Variants in EPC1 observed in about 807,000 individuals in gnomAD.
EPC1 encodes the protein enhancer of polycomb homolog 1.
A neutral mutation model predicts 98.4 loss-of-function variants in EPC1; 12 were observed. That is an observed-to-expected ratio of 0.12 (90% confidence interval 0.08 to 0.20). The LOEUF is 0.20. Ranked by LOEUF, EPC1 falls within the 10% of genes least tolerant of loss-of-function variation. The pLI, the probability that EPC1 is intolerant of heterozygous loss-of-function variation, is 1.00. For missense variants in EPC1, 729 were observed against 990.5 expected, an observed-to-expected ratio of 0.74 and a Z score of 3.54; for synonymous variants, 357 against 363.9, an observed-to-expected ratio of 0.98 and a Z score of 0.21.
At chr10:32,368,836 A>G (rs549785441) in intron 1 of EPC1, among the ~76,000 whole-genome samples, 1 of 152,304 alleles carries the variant, frequency 6.6e-6, no homozygotes, top group Non-Finnish European at 1.5e-5. Context: ...TACTTATGGC[A>G]AGTCTAGCGC....
At chr10:32,277,861 C>T (rs1485409915) in intron 10 of EPC1, among the ~76,000 whole-genome samples, 4 of 151,972 alleles carry the variant, frequency 2.6e-5, no homozygotes, top group Non-Finnish European at 5.9e-5. Context: ...TGAGCCACTG[C>T]GCCCGGCCTA....
intron 1 of EPC1, among the ~76,000 whole-genome samples, chr10:32,318,692 C>T (rs1051079747): frequency 3.9e-5 from 6 of 152,160 alleles, no homozygotes; most frequent in African/African-American, 1.2e-4. Flanking sequence ...TCAATGTTTC[C>T]AGCTCCCTTT....
chr10:32,303,860 A>G (rs1023910598), intron 2 of EPC1, among the ~76,000 whole-genome samples: 8 of 152,266 alleles, frequency 5.3e-5, no homozygotes, highest in Non-Finnish European at 2.9e-5. Flanking sequence ...TTGATACTGT[A>G]CAATAGTTGT....
chr10:32,312,225 T>C (rs910353527), intron 1 of EPC1, among the ~76,000 whole-genome samples: 4 of 152,292 alleles, frequency 2.6e-5, no homozygotes, highest in South Asian at 2.1e-4. Context: ...ATCTGTCCTT[T>C]TTCTACGAGC....
chr10:32,278,371 GTT>G (rs58729377), intron 10 of EPC1, among the ~76,000 whole-genome samples: 2,756 of 102,544 alleles, frequency 0.027, 102 homozygotes, highest in African/African-American at 0.094. Context: ...GTTTTTTTTT[GTT>G]TTTTTTTTTT....
At chr10:32,280,432 C>CA (rs1218663990) in intron 10 of EPC1, among the ~76,000 whole-genome samples, 1 of 151,770 alleles carries the variant, frequency 6.6e-6, no homozygotes, top group Non-Finnish European at 1.5e-5. Flanking sequence ...GCCTGGGAGA[C>CA]AGAGTGAAAC....
At chr10:32,315,183 A>G (rs1306227634) in intron 1 of EPC1, among the ~76,000 whole-genome samples, 1 of 152,138 alleles carries the variant, frequency 6.6e-6, no homozygotes, top group Non-Finnish European at 1.5e-5. Context: ...TTTGTAATGG[A>G]CTCATTGCCT....
rs77523350 is a variant in EPC1 at position 32,268,968 on chromosome 10, C to T, written c.*95G>A. On this transcript the variant is annotated 3_prime_UTR_variant, in exon 14 of 14. Coordinates refer to ENST00000319778, the MANE Select transcript of EPC1 (RefSeq NM_001272004.3). ...CAAGTCCCCACAGCTGCCACAGAAA[C>T]GCATGTGCTGCTTTCCATCATCCCT... 3.5e-4 allele frequency: 365 copies of T among 1,034,916 alleles called. No individual in the cohort carries two copies. Among genetic ancestry groups the T allele is most frequent in the Non-Finnish European group, 4.8e-4 (323 of 674,932 alleles). The allele number at this position is 1,034,916 out of a possible 1,614,324, so 64.1% of individuals were successfully genotyped here.
rs553619732 is a variant in EPC1, at chr10:32,353,869, ATAAGC to A, written c.3+24617_3+24621del. The stretch of plus-strand genomic sequence containing the variant: ...TAACTTCCTGCTTTTTACTTTCATA[ATAAGC>A]TACATAAAGAAATGACTGCAAACAA... On this transcript the variant is annotated intron_variant, in intron 1 of 13. Transcript: ENST00000375110. 1.1e-3 allele frequency among the ~76,000 whole-genome samples: 171 copies of A among 152,348 alleles called. 2 individuals carry two copies. Among genetic ancestry groups the A allele is most frequent in the African/African-American group, 3.9e-3 (161 of 41,576 alleles).
In EPC1 at chr10:32,271,598, T is replaced by G; in HGVS notation, c.2325A>C (p.Gln775His). 1.2e-6 allele frequency: 2 copies of G among 1,614,170 alleles called. No individual in the cohort carries two copies. The highest frequency in any genetic ancestry group is 1.7e-6 in the Non-Finnish European group (2 of 1,180,024). Residue 775 changes from glutamine to histidine, a missense_variant, in exon 13 of 14, where the codon CAA becomes CAC. This residue lies in a region of EPC1 where 156 missense variants were observed against 188.9 expected (regional missense o/e 0.83). Coordinates refer to ENST00000319778, the MANE Select transcript of EPC1 (RefSeq NM_001272004.3). The stretch of plus-strand genomic sequence containing the variant: ...AGGATGAAGATGGGACCTTGGAAAC[T>G]TGACAGTTTGCTGCAGCGGCCAGCT... The part of the protein sequence containing the change: ...ALKLAAAANC[Q>H]VSKVPSSSSV...
intron 1 of EPC1, among the ~76,000 whole-genome samples, chr10:32,325,472 G>A (rs1042597523): frequency 6.6e-6 from 1 of 152,094 alleles, no homozygotes; most frequent in Non-Finnish European, 1.5e-5. Context: ...ACAGGAAGGG[G>A]CTAATGGTTG....
At chr10:32,348,269 T>C (rs1037180560), upstream of EPC1, among the ~76,000 whole-genome samples, 2 of 151,330 alleles carry the variant, frequency 1.3e-5, no homozygotes, top group African/African-American at 4.9e-5. Flanking sequence ...CTCTTCGTTG[T>C]TGTTGTTGTT....
Position 32,343,694 on chromosome 10 carries a change from T to TGGGG in EPC1, c.153+3065_153+3068dup, listed in dbSNP as rs5784285. Among the ~76,000 whole-genome samples the TGGGG allele has an allele frequency of 3.0e-3, 421 of 142,684 alleles. 2 individuals are homozygous for TGGGG. Among genetic ancestry groups the TGGGG allele is most frequent in the Non-Finnish European group, 3.8e-3 (251 of 65,362 alleles). 93.6% of individuals were successfully genotyped at this position (142,684 alleles called of 152,430 possible). On this transcript the variant is annotated intron_variant, in intron 1 of 13. Coordinates refer to ENST00000319778, the MANE Select transcript of EPC1 (RefSeq NM_001272004.3). Reference sequence around the variant, plus strand: ...AACATTTTCTGCCTCCAAATTATTTTGGGGGGGGGGTGTAAGGGCTTCTAC... The same window carrying TGGGG: ...AACATTTTCTGCCTCCAAATTATTTTGGGGGGGGGGGGGGTGTAAGGGCTTCTAC...
chr10:32,372,878 G>A (rs1299909924), intron 1 of EPC1, among the ~76,000 whole-genome samples: 1 of 152,146 alleles, frequency 6.6e-6, no homozygotes, highest in Non-Finnish European at 1.5e-5. Flanking sequence ...AAAAAAATTA[G>A]CTGGGTGTGG....
At chr10:32,308,509 C>T (rs778035075) in intron 1 of EPC1, among the ~76,000 whole-genome samples, 11 of 152,124 alleles carry the variant, frequency 7.2e-5, no homozygotes, top group Admixed American at 4.6e-4. Context: ...AGGTCTTTAC[C>T]CCTTTTAATA....
upstream of EPC1, among the ~76,000 whole-genome samples, chr10:32,348,156 G>C (rs532555083): frequency 3.9e-5 from 6 of 152,302 alleles, no homozygotes; most frequent in South Asian, 1.2e-3. Flanking sequence ...ATAAAGACCT[G>C]TCGTACTCCC....
intron 1 of EPC1, among the ~76,000 whole-genome samples, chr10:32,364,304 G>A (rs1839536415): frequency 6.6e-6 from 1 of 151,994 alleles, no homozygotes; most frequent in South Asian, 2.1e-4. Flanking sequence ...AAAGTGCTGG[G>A]CTTACAGGCA....
intron 1 of EPC1, among the ~76,000 whole-genome samples, chr10:32,309,138 T>C (rs1399861470): frequency 4.0e-5 from 6 of 151,608 alleles, no homozygotes; most frequent in Admixed American, 3.3e-4. Flanking sequence ...TGGGGAGGGG[T>C]AGAAAAAGTG....
intron 1 of EPC1, among the ~76,000 whole-genome samples, chr10:32,317,761 T>C (rs141392789): frequency 1.9e-4 from 29 of 152,356 alleles, no homozygotes; most frequent in African/African-American, 5.5e-4. Flanking sequence ...ATATCTATTA[T>C]ATTTCACAAG....
Sources: gnomAD v4.1 joint callset for allele counts (sites outside exome capture counted in the v4.1 genomes callset) on GRCh38, gnomAD v4.1.1 for gene constraint, gnomAD v4.1.1 regional missense constraint, MANE v1.5 for transcripts, NCBI Gene and HGNC (gene_info 2026-07-23, HGNC 2026-07-21) for gene names.